The following RNF150 variants were observed in gnomAD, a reference collection of about 807,000 sequenced individuals.
RNF150 encodes the protein ring finger protein 150.
RNF150 carries 24 observed loss-of-function variants against 39.3 expected under a neutral mutation model. The ratio of observed to expected loss-of-function variants is 0.61; its 90% CI spans 0.44 to 0.86. RNF150 has a LOEUF of 0.86. Ranked by LOEUF, RNF150 falls within the 40% of genes least tolerant of loss-of-function variation. RNF150 has a pLI of 0.00. For synonymous variants in RNF150, 255 were observed against 227.3 expected, an observed-to-expected ratio of 1.12 and a Z score of -1.10; for missense variants, 502 against 587.8, an observed-to-expected ratio of 0.85 and a Z score of 1.51.
At chr4:141,105,920 C>T (rs1211012305) in intron 1 of RNF150, among the ~76,000 whole-genome samples, 1 of 152,162 alleles carries the variant, frequency 6.6e-6, no homozygotes, top group African/African-American at 2.4e-5. Context: ...GCTCAAAAAC[C>T]TTTAATGCCT....
upstream of RNF150, among the ~76,000 whole-genome samples, chr4:141,136,142 A>T (rs528344930): frequency 2.6e-4 from 40 of 152,342 alleles, no homozygotes; most frequent in African/African-American, 9.4e-4. Context: ...AATATCCCAG[A>T]TTGGCTCCTA....
chr4:141,103,993 C>A (rs1260440586), intron 1 of RNF150, among the ~76,000 whole-genome samples: 1 of 152,100 alleles, frequency 6.6e-6, no homozygotes, highest in East Asian at 1.9e-4. Flanking sequence ...TCTGAGTCAA[C>A]CCATATTTAT....
chr4:140,982,588 C>G (rs75407765), intron 1 of RNF150, among the ~76,000 whole-genome samples: 1,512 of 142,212 alleles, frequency 0.011, 19 homozygotes, highest in Non-Finnish European at 0.018. Flanking sequence ...ACTAACAAAA[C>G]CTTGCAGGTC....
At chr4:140,956,196 T>C (rs927096120) in intron 2 of RNF150, among the ~76,000 whole-genome samples, 8 of 152,160 alleles carry the variant, frequency 5.3e-5, no homozygotes, top group Admixed American at 5.2e-4. Flanking sequence ...TCCTAGCAGA[T>C]AGTGAGACAA....
intron 1 of RNF150, among the ~76,000 whole-genome samples, chr4:141,005,538 G>A (rs1463232681): frequency 6.6e-6 from 1 of 152,138 alleles, no homozygotes; most frequent in African/African-American, 2.4e-5. Context: ...TGTTTTCAGG[G>A]ACCAGAACTG....
At chr4:141,098,896 G>A (rs1738904116) in intron 1 of RNF150, among the ~76,000 whole-genome samples, 1 of 152,068 alleles carries the variant, frequency 6.6e-6, no homozygotes, top group African/African-American at 2.4e-5. Context: ...GCAGAAAATG[G>A]TTCTGAAAGC....
intron 1 of RNF150, among the ~76,000 whole-genome samples, chr4:141,105,822 T>A (rs1739177035): frequency 6.6e-6 from 1 of 152,248 alleles, no homozygotes; most frequent in South Asian, 2.1e-4. Context: ...TTATTGGTAA[T>A]TAGTACTCCA....
At chr4:141,178,472 C>A (rs535196804) in intron 1 of RNF150, among the ~76,000 whole-genome samples, 15 of 152,210 alleles carry the variant, frequency 9.9e-5, no homozygotes, top group African/African-American at 2.9e-4. Flanking sequence ...TGTATATTTT[C>A]TTTATTTTTT....
Position 141,156,744 on chromosome 4 carries a change from A to AG in RNF150, c.-6+56049_-6+56050insC, listed in dbSNP as rs1727408743. On this transcript the variant is annotated intron_variant, in intron 1 of 7. Transcript: ENST00000420921. Reference sequence around the variant, plus strand: ...CCCTGTCTCTACTACTAAAAAAAAAAAAAAAAAAAAAAATTAACCAGGTGT... The same window carrying AG: ...CCCTGTCTCTACTACTAAAAAAAAAAGAAAAAAAAAAAAATTAACCAGGTGT... Among the ~76,000 whole-genome samples, 3 of 150,882 alleles carry AG rather than the reference A, an allele frequency of 2.0e-5. No individual in the cohort carries two copies. The South Asian group carries it at 6.3e-4, about 32-fold the overall frequency.
intron 1 of RNF150, among the ~76,000 whole-genome samples, chr4:141,178,065 C>A (rs936513758): frequency 7.2e-5 from 11 of 152,098 alleles, no homozygotes; most frequent in Non-Finnish European, 4.4e-5. Context: ...AACTAAAAAT[C>A]TCTAGATTTC....
At chr4:141,035,202 T>C (rs1023869821) in intron 1 of RNF150, among the ~76,000 whole-genome samples, 2 of 152,320 alleles carry the variant, frequency 1.3e-5, no homozygotes, top group Admixed American at 1.3e-4. Context: ...TCAAGGGACA[T>C]ACTGAAGTGT....
At chr4:141,009,563 C>A (rs1361367568) in intron 1 of RNF150, among the ~76,000 whole-genome samples, 1 of 152,076 alleles carries the variant, frequency 6.6e-6, no homozygotes, top group Admixed American at 6.5e-5. Context: ...CTAAGATAAC[C>A]CATGTAAGAA....
chr4:141,107,616 G>A (rs1026953898), intron 1 of RNF150, among the ~76,000 whole-genome samples: 2 of 152,072 alleles, frequency 1.3e-5, no homozygotes, highest in Non-Finnish European at 2.9e-5. Flanking sequence ...ATGGTGCTCG[G>A]GCAACAAAGA....
intron 6 of RNF150, among the ~76,000 whole-genome samples, chr4:140,903,274 T>C (rs1013706045): frequency 2.0e-5 from 3 of 152,208 alleles, no homozygotes; most frequent in Admixed American, 2.0e-4. Context: ...GTTCTAATAG[T>C]GACACTTTCC....
At position 141,196,649 on chromosome 4, in the gene RNF150, T is replaced by C. The variant is rs1001979817; in HGVS notation, c.-6+16145A>G. On this transcript the variant is annotated intron_variant, in intron 1 of 7. Coordinates refer to the RNF150 transcript ENST00000420921. ...TGTTACAATGCATAAAACTATCAGT[T>C]CTAGTAACTATTTTACCATCCCACT... 2.0e-5 allele frequency among the ~76,000 whole-genome samples: 3 copies of C among 152,098 alleles called. No individual in the cohort carries two copies. The East Asian group carries it at 5.8e-4, about 29-fold the overall frequency.
In RNF150 at chr4:141,133,330, C is replaced by G. The variant is rs1331866631; in HGVS notation, c.-522G>C. 1 of 161,490 alleles carries G rather than the reference C, an allele frequency of 6.2e-6. No individual in the cohort carries two copies. Among genetic ancestry groups the G allele is most frequent in the Non-Finnish European group, 1.3e-5 (1 of 75,222 alleles). The allele number at this position is 161,490 out of a possible 1,614,324, so 10.0% of individuals were successfully genotyped here. A position where few individuals can be genotyped will look rare whatever the true frequency, so the allele number is the denominator to read the frequency against. On this transcript the variant is annotated 5_prime_UTR_variant, in exon 1 of 7. Transcript: ENST00000515673. ...AGCCGCTGCTGCCCTGCGCCGGTTCCCTCAGGCTGCGGGCGCTGCGCTCCT... is the reference window on the plus strand; with the variant it reads ...AGCCGCTGCTGCCCTGCGCCGGTTCGCTCAGGCTGCGGGCGCTGCGCTCCT...
intron 6 of RNF150, among the ~76,000 whole-genome samples, chr4:140,891,655 T>C (rs1017493661): frequency 6.6e-6 from 1 of 152,182 alleles, no homozygotes; most frequent in African/African-American, 2.4e-5. Flanking sequence ...GATGCCCAAG[T>C]TCCTTATATA....
intron 6 of RNF150, among the ~76,000 whole-genome samples, chr4:140,886,169 C>A (rs1396131209): frequency 9.1e-6 from 1 of 109,602 alleles, no homozygotes; most frequent in African/African-American, 3.8e-5. Context: ...CCAGCCTGGG[C>A]AACAGAGGGC....
intron 1 of RNF150, among the ~76,000 whole-genome samples, chr4:141,083,432 C>T (rs1738237084): frequency 6.6e-6 from 1 of 152,152 alleles, no homozygotes; most frequent in African/African-American, 2.4e-5. Flanking sequence ...TCCTTTTCTA[C>T]TCAGAACTAT....
Sources: allele counts gnomAD v4.1 joint callset (sites outside exome capture counted in the v4.1 genomes callset), GRCh38; gene constraint gnomAD v4.1.1; transcripts MANE v1.5; gene names NCBI Gene and HGNC (gene_info 2026-07-23, HGNC 2026-07-21).